RSPO3: variants seen among roughly 807,000 people sequenced by gnomAD.
RSPO3 encodes R-spondin 3, also known as R-spondin-3.
A neutral mutation model predicts 36.5 loss-of-function variants in RSPO3; 17 were observed. The ratio of observed to expected loss-of-function variants is 0.47; its 90% CI spans 0.32 to 0.70. The LOEUF (loss-of-function observed/expected upper bound fraction) is 0.70. RSPO3 is among the 30% of genes least tolerant of loss of function. RSPO3 has a pLI of 0.04. For missense variants in RSPO3, 294 were observed against 322.5 expected (o/e 0.91, Z 0.68); for synonymous variants, 108 against 107.0 (o/e 1.01, Z -0.06).
At chr6:127,170,917 C>T (rs1184097549) in intron 4 of RSPO3, among the ~76,000 whole-genome samples, 2 of 151,686 alleles carry the variant, frequency 1.3e-5, no homozygotes, top group Non-Finnish European at 2.9e-5. Flanking sequence ...ACAGACTTTT[C>T]AAATTTTGGA....
Position 127,126,292 on chromosome 6 carries a change from T to C in RSPO3, c.97+7003T>C, listed in dbSNP as rs142320452. 4.6e-3 allele frequency among the ~76,000 whole-genome samples: 695 copies of C among 152,164 alleles called. 8 individuals carry two copies. The highest frequency in any genetic ancestry group is 0.016 in the African/African-American group (662 of 41,510). On this transcript the variant is annotated intron_variant, in intron 1 of 4. Transcript: ENST00000356698. Reference sequence around the variant, plus strand: ...TCACTCACATAAAAATGATGTTTATTATTATCAAAAGTGTGTGCTCTCCTA... The same window carrying C: ...TCACTCACATAAAAATGATGTTTATCATTATCAAAAGTGTGTGCTCTCCTA...
intron 4 of RSPO3, among the ~76,000 whole-genome samples, chr6:127,188,589 C>CATAT (rs34168265): frequency 0.029 from 4,331 of 147,328 alleles, 101 homozygotes; most frequent in Middle Eastern, 0.11. Flanking sequence ...TTTCAAGTTA[C>CATAT]ATATATATAT....
At chr6:127,172,694 T>A (rs1774964430) in intron 4 of RSPO3, among the ~76,000 whole-genome samples, 1 of 151,822 alleles carries the variant, frequency 6.6e-6, no homozygotes, top group African/African-American at 2.4e-5. Flanking sequence ...AATAATAATA[T>A]TATTTGTTTA....
Position 127,155,067 on chromosome 6 carries a change from A to C in RSPO3, c.437-174A>C, listed in dbSNP as rs535806352. On this transcript the variant is annotated intron_variant, in intron 3 of 4. Transcript: ENST00000356698. The stretch of plus-strand genomic sequence containing the variant: ...AATGAGTACTAAACTGAAAACATTC[A>C]ATTTCTGCCTTTCCCATTCTCCTGT... Among the ~76,000 whole-genome samples the C allele has an allele frequency of 2.6e-5, 4 of 152,306 alleles. No homozygotes were observed. The South Asian group carries it at 8.3e-4, about 32-fold the overall frequency.
intron 3 of RSPO3, among the ~76,000 whole-genome samples, chr6:127,152,521 T>C (rs1452119936): frequency 6.6e-6 from 1 of 152,168 alleles, no homozygotes; most frequent in East Asian, 1.9e-4. Context: ...AGAAACATTT[T>C]AAGTTATTTT....
At chr6:127,187,214 C>T (rs973290716) in intron 4 of RSPO3, among the ~76,000 whole-genome samples, 1 of 151,944 alleles carries the variant, frequency 6.6e-6, no homozygotes, top group Non-Finnish European at 1.5e-5. Flanking sequence ...AGGACTAGGT[C>T]CAAATTGAAA....
At chr6:127,144,780 CTG>C in intron 1 of RSPO3, among the ~76,000 whole-genome samples, 1 of 151,568 alleles carries the variant, frequency 6.6e-6, no homozygotes, top group East Asian at 2.0e-4. Context: ...CACCACCACA[CTG>C]GGCTAATTTT....
rs1393662886 is a variant in RSPO3 at position 127,155,381 on chromosome 6, A to G, written c.577A>G (p.Thr193Ala). 2.5e-6 allele frequency: 4 copies of G among 1,613,872 alleles called. No individual in the cohort carries two copies. The African/African-American group carries it at 4.0e-5, about 16-fold the overall frequency. Residue 193 changes from threonine (T) to alanine (A), a missense_variant, in exon 4 of 5, where the codon ACA becomes GCA. By Grantham distance (58) the Thr-to-Ala change is moderately conservative. This residue lies in a region of RSPO3 where 190 missense variants were observed against 185.2 expected (regional missense o/e 1.03). Transcript: ENST00000356698. ...AGCAAAGGGTAACCTGTGTCCCCCA[A>G]CAAATGAGACAAGAAAGTGTACAGT... ...PSAKGNLCPP[T>A]NETRKCTVQR... is the part of the protein sequence containing the mutation.
rs1774574341 is a variant in RSPO3, at chr6:127,155,375, C to T, written c.571C>T (p.Pro191Ser). 9.9e-6 allele frequency: 16 copies of T among 1,613,688 alleles called. No individual in the cohort carries two copies. The highest frequency in any genetic ancestry group is 1.4e-5 in the Non-Finnish European group (16 of 1,179,772). ...QHPSAKGNLC[P>S]PTNETRKCTV... ...TCCTTCAGCAAAGGGTAACCTGTGT[C>T]CCCCAACAAATGAGACAAGAAAGTG... The change falls in exon 4 of 5, where the codon CCC (proline) becomes TCC (serine). Residue 191 changes from proline (P) to serine (S), a missense_variant. Coordinates refer to ENST00000356698, the MANE Select transcript of RSPO3 (RefSeq NM_032784.5).
At chr6:127,140,391 A>G (rs529890706) in intron 1 of RSPO3, among the ~76,000 whole-genome samples, 2 of 152,296 alleles carry the variant, frequency 1.3e-5, no homozygotes, top group South Asian at 4.1e-4. Flanking sequence ...AAGCAAACTA[A>G]AATTACTGCT....
At chr6:127,175,697 T>C (rs1775039601) in intron 4 of RSPO3, among the ~76,000 whole-genome samples, 1 of 151,738 alleles carries the variant, frequency 6.6e-6, no homozygotes, top group Non-Finnish European at 1.5e-5. Flanking sequence ...AACTCATAAA[T>C]TACAAATTGA....
chr6:127,145,050 A>G (rs561529729), intron 1 of RSPO3, among the ~76,000 whole-genome samples: 12 of 152,264 alleles, frequency 7.9e-5, no homozygotes, highest in African/African-American at 2.6e-4. Context: ...AAAATCTGCA[A>G]AATTAATGAT....
intron 4 of RSPO3, among the ~76,000 whole-genome samples, chr6:127,180,360 A>T (rs1582811685): frequency 6.6e-6 from 1 of 151,664 alleles, no homozygotes; most frequent in Non-Finnish European, 1.5e-5. Flanking sequence ...AACCATGCCA[A>T]GAACTTTGGG....
chr6:127,184,546 A>C (rs376037832), intron 4 of RSPO3, among the ~76,000 whole-genome samples: 5 of 152,006 alleles, frequency 3.3e-5, no homozygotes, highest in Admixed American at 1.3e-4. Context: ...GAGGTTGACT[A>C]TCCAAAGAAT....
intron 3 of RSPO3, 139 bp downstream of exon 3, chr6:127,150,711 G>C: frequency 1.4e-6 from 1 of 722,862 alleles, no homozygotes; most frequent in Non-Finnish European, 2.2e-6. Context: ...TCTTTACAAA[G>C]ATACTCTCTT....
chr6:127,166,737 G>T (rs1285929770), intron 4 of RSPO3, among the ~76,000 whole-genome samples: 1 of 151,892 alleles, frequency 6.6e-6, no homozygotes. Context: ...TTTTCAAAAA[G>T]GTGTTTCAGT....
At position 127,150,279 on chromosome 6, in the gene RSPO3, C is replaced by T. The variant is rs1230908840; in HGVS notation, c.290-147C>T. ...CTCAACTAAATCACTGTGGAGGAAT[C>T]GTGAATTCAGTCTGGCAAAATAATT... On this transcript the variant is annotated intron_variant, in intron 2 of 4. Transcript: ENST00000356698. 6 of 655,380 alleles carry T rather than the reference C, an allele frequency of 9.2e-6. No individual in the cohort carries two copies. In the Admixed American group the frequency reaches 9.2e-5, roughly 10 times the overall value. 40.6% of individuals were successfully genotyped at this position (655,380 alleles called of 1,614,324 possible).
At chr6:127,166,467 C>T (rs1488675895) in intron 4 of RSPO3, among the ~76,000 whole-genome samples, 1 of 152,002 alleles carries the variant, frequency 6.6e-6, no homozygotes, top group East Asian at 1.9e-4. Context: ...TGCTTTTTAA[C>T]TATCGCTATG....
At position 127,119,004 on chromosome 6, in the gene RSPO3, G is replaced by A; in HGVS notation, c.-189G>A. The stretch of plus-strand genomic sequence containing the variant: ...GCTTGGATAATTTGAAAGTACAATA[G>A]TTGGTTTCCCTGTCCACCCGCCCCA... On this transcript the variant is annotated 5_prime_UTR_variant, in exon 1 of 5. The change abolishes the stop of an existing upstream ORF in the 5' untranslated region. Coordinates refer to ENST00000356698, the MANE Select transcript of RSPO3 (RefSeq NM_032784.5). 2.1e-6 allele frequency: 1 copy of A among 484,778 alleles called. No homozygotes were observed. The highest frequency in any genetic ancestry group is 3.6e-6 in the Non-Finnish European group (1 of 275,750). The allele number at this position is 484,778 out of a possible 1,614,324, so 30.0% of individuals were successfully genotyped here.
Sources: gnomAD v4.1 joint callset for allele counts (sites outside exome capture counted in the v4.1 genomes callset) on GRCh38, gnomAD v4.1.1 for gene constraint, gnomAD v4.1.1 regional missense constraint, MANE v1.5 for transcripts, NCBI Gene and HGNC (gene_info 2026-07-23, HGNC 2026-07-21) for gene names.